The following FAU variants were observed in gnomAD, a reference collection of about 807,000 sequenced individuals.
FAU encodes FAU ubiquitin like and ribosomal protein S30 fusion.
For missense variants in FAU, 125 were observed against 173.9 expected (o/e 0.72, Z 1.58); for synonymous variants, 70 against 69.9 (o/e 1.00, Z -0.01).
In FAU at chr11:65,121,621, G is replaced by A. The variant is rs1392500630; in HGVS notation, c.99C>T (p.Gly33=). The A allele has an allele frequency of 6.2e-7, 1 of 1,613,996 alleles. No homozygotes were observed. The highest frequency in any genetic ancestry group is 8.5e-7 in the Non-Finnish European group (1 of 1,180,016). Residue 33 remains glycine, a synonymous_variant, in exon 3 of 5, where the codon GGC becomes GGT. Coordinates refer to ENST00000529639, the MANE Select transcript of FAU (RefSeq NM_001997.5). ...QIKAHVASLE[G]IAPEDQVVLL... Reference sequence around the variant, plus strand: ...GCACGACTTGATCTTCCGGGGCAATGCCCTCCAGTGAGGCTACATGAGCCT... The same window carrying A: ...GCACGACTTGATCTTCCGGGGCAATACCCTCCAGTGAGGCTACATGAGCCT...
At chr11:65,121,436 A>G in intron 3 of FAU, 64 bp downstream of exon 3, 1 of 1,570,080 alleles carries the variant, frequency 6.4e-7, no homozygotes. Flanking sequence ...AGCTGTCAGG[A>G]CTATGCACCC....
chr11:65,121,683 C>T, intron 2 of FAU, 39 bp from the exon 3 acceptor site: 5 of 1,613,692 alleles, frequency 3.1e-6, no homozygotes, highest in Non-Finnish European at 4.2e-6. Context: ...TTCCCTCGGG[C>T]CGCGAGAGTG....
Position 65,121,660 on chromosome 11 carries a change from A to G in FAU, c.76-16T>C. On this transcript the variant is annotated splice_polypyrimidine_tract_variant and intron_variant, in intron 2 of 4. Coordinates refer to ENST00000529639, the MANE Select transcript of FAU (RefSeq NM_001997.5). ...CTACATGAGCCTACAGGGAAAGATAAGGCTCGTAAGCGTTCCCTCGGGCCG... is the reference window on the plus strand; with the variant it reads ...CTACATGAGCCTACAGGGAAAGATAGGGCTCGTAAGCGTTCCCTCGGGCCG... 3 of 1,613,676 alleles carry G rather than the reference A, an allele frequency of 1.9e-6. No individual in the cohort carries two copies. Among genetic ancestry groups the G allele is most frequent in the Non-Finnish European group, 2.5e-6 (3 of 1,179,840 alleles).
At position 65,121,592 on chromosome 11, in the gene FAU, A is replaced by C; in HGVS notation, c.128T>G (p.Leu43Arg). ...CTCATCCTCCAGGGGCGCGCCTGCC[A>C]GGAGCACGACTTGATCTTCCGGGGC... ...GIAPEDQVVLLAGAPLEDEAT... is the reference protein window; with the variant it reads ...GIAPEDQVVLRAGAPLEDEAT... The change falls in exon 3 of 5, where the codon CTG (leucine) becomes CGG (arginine). Residue 43 changes from leucine (L) to arginine (R), a missense_variant. Physicochemically the swap from Leu to Arg is moderately radical, Grantham distance 102. Transcript: ENST00000529639. The C allele has an allele frequency of 1.2e-6, 2 of 1,614,002 alleles. No homozygotes were observed. The highest frequency in any genetic ancestry group is 1.7e-6 in the Non-Finnish European group (2 of 1,180,018).
Position 65,121,743 on chromosome 11 carries a change from A to G in FAU, c.71T>C (p.Ile24Thr), listed in dbSNP as rs1948050794. Reference sequence around the variant, plus strand: ...GGGCGCACCAAGCAGCCTTACCTTGATCTGGGCGACCGTTTCCTGGCCGGT... The same window carrying G: ...GGGCGCACCAAGCAGCCTTACCTTGGTCTGGGCGACCGTTTCCTGGCCGGT... ...EVTGQETVAQIKAHVASLEGI... is the reference protein window; with the variant it reads ...EVTGQETVAQTKAHVASLEGI... Residue 24 changes from isoleucine to threonine, a missense_variant, in exon 2 of 5, where the codon ATC becomes ACC. By Grantham distance (89) the Ile-to-Thr change is moderately conservative (BLOSUM62 -1). Coordinates refer to ENST00000529639, the MANE Select transcript of FAU (RefSeq NM_001997.5). 6.2e-7 allele frequency: 1 copy of G among 1,613,974 alleles called. No individual in the cohort carries two copies. The highest frequency in any genetic ancestry group is 1.3e-5 in the African/African-American group (1 of 74,928).
rs200987788 is a variant in FAU at position 65,121,517 on chromosome 11, G to T, written c.203C>A (p.Ala68Glu). 2 of 1,613,484 alleles carry T rather than the reference G, an allele frequency of 1.2e-6. No homozygotes were observed. Among genetic ancestry groups the T allele is most frequent in the Non-Finnish European group, 1.7e-6 (2 of 1,179,766 alleles). Residue 68 changes from alanine (A) to glutamate (E), a missense_variant, in exon 3 of 5, where the codon GCA becomes GAA. Ala to Glu is a moderately radical substitution (Grantham distance 107). Coordinates refer to ENST00000529639, the MANE Select transcript of FAU (RefSeq NM_001997.5). Reference protein sequence around the residue: ...GVEALTTLEVAGRMLGGKVHG... With the variant: ...GVEALTTLEVEGRMLGGKVHG... ...TCACTCACCTCCAAGCATGCGGCCT[G>T]CTACTTCCAGGGTAGTCAGGGCCTC...
chr11:65,121,529 G>C lies in FAU; in HGVS notation c.191C>G (p.Thr64Ser). ...AAGCATGCGGCCTGCTACTTCCAGGGTAGTCAGGGCCTCCACCCCGCACTG... is the reference window on the plus strand; with the variant it reads ...AAGCATGCGGCCTGCTACTTCCAGGCTAGTCAGGGCCTCCACCCCGCACTG... Reference protein sequence around the residue: ...LGQCGVEALTTLEVAGRMLGG... With the variant: ...LGQCGVEALTSLEVAGRMLGG... Residue 64 changes from threonine (T) to serine (S), a missense_variant, in exon 3 of 5, where the codon ACC (threonine) becomes AGC (serine). Physicochemically the swap from Thr to Ser is moderately conservative, Grantham distance 58 (BLOSUM62 1). Coordinates refer to ENST00000529639, the MANE Select transcript of FAU (RefSeq NM_001997.5). 1 of 1,613,754 alleles carries C rather than the reference G, an allele frequency of 6.2e-7. No individual in the cohort carries two copies.
rs1948038440 is a variant in FAU at position 65,120,673 on chromosome 11, CA to C, written c.*7del. ...TTTTTATTAGAGAAAGCCAGAATTACAAAAGACTTAAGAGTTGGCATTGGGG... is the reference window on the plus strand; with the variant it reads ...TTTTTATTAGAGAAAGCCAGAATTACAAAGACTTAAGAGTTGGCATTGGGG... On this transcript the variant is annotated 3_prime_UTR_variant, in exon 5 of 5. Coordinates refer to ENST00000529639, the MANE Select transcript of FAU (RefSeq NM_001997.5). 9.3e-6 allele frequency: 15 copies of C among 1,612,802 alleles called. No individual in the cohort carries two copies. The highest frequency in any genetic ancestry group is 1.3e-5 in the Non-Finnish European group (15 of 1,179,644).
chr11:65,121,240 G>A (rs999181758), intron 3 of FAU: 14 of 722,960 alleles, frequency 1.9e-5, no homozygotes, highest in Middle Eastern at 7.7e-4. Context: ...TGGGGGCCCT[G>A]GTCTGACCTA....
At chr11:65,121,689 G>C in intron 2 of FAU, 45 bp from the exon 3 acceptor site, 3 of 1,613,854 alleles carry the variant, frequency 1.9e-6, no homozygotes, top group Non-Finnish European at 2.5e-6. Context: ...CGGGCCGCGA[G>C]AGTGAAGAGC....
chr11:65,121,529 G>A lies in FAU; in HGVS notation c.191C>T (p.Thr64Ile). 1 of 1,613,754 alleles carries A rather than the reference G, an allele frequency of 6.2e-7. No individual in the cohort carries two copies. The highest frequency in any genetic ancestry group is 8.5e-7 in the Non-Finnish European group (1 of 1,179,914). Residue 64 changes from threonine to isoleucine, a missense_variant, in exon 3 of 5, where the codon ACC becomes ATC. Physicochemically the swap from Thr to Ile is moderately conservative, Grantham distance 89 (BLOSUM62 -1). Coordinates refer to ENST00000529639, the MANE Select transcript of FAU (RefSeq NM_001997.5). ...AAGCATGCGGCCTGCTACTTCCAGG[G>A]TAGTCAGGGCCTCCACCCCGCACTG... Reference protein sequence around the residue: ...LGQCGVEALTTLEVAGRMLGG... With the variant: ...LGQCGVEALTILEVAGRMLGG...
Position 65,121,273 on chromosome 11 carries a change from C to G in FAU, c.220+227G>C, listed in dbSNP as rs1053009285. On this transcript the variant is annotated intron_variant, in intron 3 of 4. Transcript: ENST00000529639. ...CTAATTTTAGTGTGGAAGCTGATAA[C>G]CAGACTAGGATCTCGTGATGTGACT... The G allele has an allele frequency of 8.1e-6, 6 of 738,138 alleles. No individual in the cohort carries two copies. In the African/African-American group the frequency reaches 1.1e-4, roughly 13 times the overall value. The allele number at this position is 738,138 out of a possible 1,614,324, so 45.7% of individuals were successfully genotyped here. A position where few individuals can be genotyped will look rare whatever the true frequency, so the allele number is the denominator to read the frequency against.
intron 1 of FAU, 22 bp downstream of exon 1, chr11:65,122,068 C>T (rs542759520): frequency 1.7e-5 from 10 of 601,230 alleles, no homozygotes; most frequent in Non-Finnish European, 2.6e-5. Context: ...CCCTTCGGAT[C>T]CAGCCAAGGC....
chr11:65,122,078 C>A lies in FAU; in HGVS notation c.-9+12G>T, dbSNP rs1948054550. On this transcript the variant is annotated intron_variant, in intron 1 of 4. Transcript: ENST00000529639. ...ACAAGCCCTTCGGATCCAGCCAAGG[C>A]CCCATTCTTACCTGAACGGCGGTCC... The A allele has an allele frequency of 1.7e-6, 1 of 601,442 alleles. No individual in the cohort carries two copies. The allele number at this position is 601,442 out of a possible 1,614,324, so 37.3% of individuals were successfully genotyped here.
chr11:65,120,992 G>C lies in FAU; in HGVS notation c.265C>G (p.Gln89Glu). ...ATACTCTCACTCACCTTAGGAGTCT[G>C]ACCTCTCACTTTTCCAGCACGGGCC... is the stretch of plus-strand genomic sequence containing the variant. The part of the protein sequence containing the change: ...SLARAGKVRG[Q>E]TPKVAKQEKK... The change falls in exon 4 of 5, where the codon CAG (glutamine) becomes GAG (glutamate). Residue 89 changes from glutamine to glutamate, a missense_variant. Transcript: ENST00000529639. The C allele has an allele frequency of 6.2e-7, 1 of 1,614,138 alleles. No individual in the cohort carries two copies. The highest frequency in any genetic ancestry group is 8.5e-7 in the Non-Finnish European group (1 of 1,180,020).
In FAU at chr11:65,120,742, C is replaced by T; in HGVS notation, c.341G>A (p.Arg114Gln). 6 of 1,614,170 alleles carry T rather than the reference C, an allele frequency of 3.7e-6. No homozygotes were observed. Among genetic ancestry groups the T allele is most frequent in the South Asian group, 1.1e-5 (1 of 91,090 alleles). The change falls in exon 5 of 5, where the codon CGG becomes CAG. Residue 114 changes from arginine (R) to glutamine (Q), a missense_variant. Transcript: ENST00000529639. Reference sequence around the variant, plus strand: ...GGTGGGCACAACGTTGACAAAGCGCCGGTTGTACTGCATCCGCCGCTTAGC... The same window carrying T: ...GGTGGGCACAACGTTGACAAAGCGCTGGTTGTACTGCATCCGCCGCTTAGC... ...GRAKRRMQYNRRFVNVVPTFG... is the reference protein window; with the variant it reads ...GRAKRRMQYNQRFVNVVPTFG...
Position 65,121,831 on chromosome 11 carries a change from G to A in FAU, c.-8-10C>T, listed in dbSNP as rs781263824. On this transcript the variant is annotated splice_polypyrimidine_tract_variant and intron_variant, in intron 1 of 4. Transcript: ENST00000529639. Reference sequence around the variant, plus strand: ...AGCTGCATATTGGCGACTGAGTAAAGAAAAGACGGCTTGTAAGAGAAGCCA... The same window carrying A: ...AGCTGCATATTGGCGACTGAGTAAAAAAAAGACGGCTTGTAAGAGAAGCCA... 6 of 1,613,572 alleles carry A rather than the reference G, an allele frequency of 3.7e-6. No homozygotes were observed. Among genetic ancestry groups the A allele is most frequent in the Non-Finnish European group, 5.1e-6 (6 of 1,179,770 alleles).
chr11:65,121,026 A>G lies in FAU; in HGVS notation c.231T>C (p.His77=). The change falls in exon 4 of 5, where the codon CAT becomes CAC. Residue 77 remains histidine (H), a synonymous_variant. Coordinates refer to ENST00000529639, the MANE Select transcript of FAU (RefSeq NM_001997.5). ...CTTTTCCAGCACGGGCCAGGGAACC[A>G]TGGACTTTACCTGTAGTGGGAAAGG... ...VAGRMLGGKV[H]GSLARAGKVR... 1 of 1,614,178 alleles carries G rather than the reference A, an allele frequency of 6.2e-7. No homozygotes were observed. The highest frequency in any genetic ancestry group is 8.5e-7 in the Non-Finnish European group (1 of 1,180,020).
chr11:65,120,773 C>T lies in FAU; in HGVS notation c.310G>A (p.Gly104Ser). ...AKQEKKKKKT[G>S]RAKRRMQYNR... ...TACTGCATCCGCCGCTTAGCCCGAC[C>T]TGTCTTCTTCTTCTTCTTCTCCTGT... Residue 104 changes from glycine (G) to serine (S), a missense_variant, in exon 5 of 5, where the codon GGT becomes AGT. Physicochemically the swap from Gly to Ser is moderately conservative, Grantham distance 56. Transcript: ENST00000529639. 6.2e-7 allele frequency: 1 copy of T among 1,614,160 alleles called. No homozygotes were observed.
Sources: gnomAD v4.1 joint callset for allele counts on GRCh38, gnomAD v4.1.1 for gene constraint, MANE v1.5 for transcripts, NCBI Gene and HGNC (gene_info 2026-07-23, HGNC 2026-07-21) for gene names.